Variants in MDGA2 observed in about 807,000 individuals in gnomAD.
MDGA2 encodes the protein MAM domain containing glycosylphosphatidylinositol anchor 2.
In MDGA2, 40 loss-of-function variants were observed where a neutral mutation model predicts 117.8. The ratio of observed to expected loss-of-function variants is 0.34; its 90% confidence interval spans 0.26 to 0.44. The LOEUF is 0.44. MDGA2 is among the 20% of genes least tolerant of loss of function. The pLI, the probability that MDGA2 is intolerant of heterozygous loss-of-function variation, is 1.00. For synonymous variants in MDGA2, 452 were observed against 439.0 expected (o/e 1.03, Z -0.37); for missense variants, 1,123 against 1,250.6 (o/e 0.90, Z 1.54).
intron 1 of MDGA2, among the ~76,000 whole-genome samples, chr14:47,373,875 T>C (rs1891420238): frequency 1.3e-5 from 2 of 152,142 alleles, no homozygotes; most frequent in East Asian, 1.9e-4. Context: ...TTTTTCAACA[T>C]GATAACTGTT....
chr14:47,183,349 C>T (rs1490241077), intron 3 of MDGA2, among the ~76,000 whole-genome samples: 1 of 152,056 alleles, frequency 6.6e-6, no homozygotes, highest in Admixed American at 6.6e-5. Flanking sequence ...TTTCTCCTTT[C>T]GGTTTCATTC....
intron 14 of MDGA2, among the ~76,000 whole-genome samples, chr14:46,859,035 T>C (rs537407179): frequency 2.1e-4 from 32 of 152,308 alleles, no homozygotes; most frequent in South Asian, 1.9e-3. Flanking sequence ...GCCAAAATTG[T>C]TGCCCTAAAT....
intron 1 of MDGA2, among the ~76,000 whole-genome samples, chr14:47,501,374 T>C (rs1894395928): frequency 6.6e-6 from 1 of 152,188 alleles, no homozygotes. Flanking sequence ...GGCTCCAATA[T>C]TTCAAATATC....
chr14:47,055,425 T>A (rs1448234509), intron 7 of MDGA2, among the ~76,000 whole-genome samples: 1 of 152,092 alleles, frequency 6.6e-6, no homozygotes, highest in African/African-American at 2.4e-5. Flanking sequence ...CCAGCTCAGA[T>A]GCTACCTGCT....
intron 7 of MDGA2, among the ~76,000 whole-genome samples, chr14:47,045,992 G>A (rs961764257): frequency 4.0e-5 from 6 of 150,318 alleles, no homozygotes; most frequent in Middle Eastern, 3.4e-3. Flanking sequence ...ATCACACACC[G>A]GGGACTGTTG....
At chr14:47,056,382 C>T (rs1272493577) in intron 7 of MDGA2, among the ~76,000 whole-genome samples, 1 of 152,102 alleles carries the variant, frequency 6.6e-6, no homozygotes, top group Non-Finnish European at 1.5e-5. Context: ...AAATTTTGAA[C>T]AGATTTTCTC....
intron 1 of MDGA2, among the ~76,000 whole-genome samples, chr14:47,631,218 C>G (rs552204775): frequency 6.6e-6 from 1 of 152,226 alleles, no homozygotes; most frequent in East Asian, 1.9e-4. Context: ...TAATCTTGTT[C>G]TCTTCTACTC....
chr14:47,147,762 T>C (rs1883003193), intron 3 of MDGA2, among the ~76,000 whole-genome samples: 1 of 152,156 alleles, frequency 6.6e-6, no homozygotes, highest in African/African-American at 2.4e-5. Flanking sequence ...ATTCCAAGAC[T>C]CTGGTTAGTC....
At chr14:47,669,868 C>A (rs1039954227) in intron 1 of MDGA2, among the ~76,000 whole-genome samples, 5 of 152,080 alleles carry the variant, frequency 3.3e-5, no homozygotes, top group African/African-American at 1.2e-4. Context: ...AAAAAAAAAT[C>A]ATAATCAATA....
intron 1 of MDGA2, among the ~76,000 whole-genome samples, chr14:47,557,578 T>G (rs1895708405): frequency 1.3e-5 from 2 of 152,100 alleles, no homozygotes; most frequent in South Asian, 4.1e-4. Context: ...AGATACAATG[T>G]TAAAAAGCTT....
intron 10 of MDGA2, among the ~76,000 whole-genome samples, chr14:46,903,067 TG>T (rs1883351268): frequency 6.6e-6 from 1 of 152,336 alleles, no homozygotes; most frequent in Admixed American, 6.5e-5. Flanking sequence ...TCCTGTGCTG[TG>T]GCCTGTTATT....
chr14:47,472,357 T>C (rs1486529651), intron 1 of MDGA2, among the ~76,000 whole-genome samples: 2 of 152,194 alleles, frequency 1.3e-5, no homozygotes, highest in African/African-American at 2.4e-5. Context: ...CTAGGTTATA[T>C]GGCATAGCCT....
chr14:46,993,237 T>C (rs1398512511), intron 8 of MDGA2, among the ~76,000 whole-genome samples: 2 of 152,136 alleles, frequency 1.3e-5, no homozygotes, highest in African/African-American at 2.4e-5. Context: ...TTATTCATAA[T>C]TGAACAGAGA....
chr14:47,116,998 A>T (rs1381424119), intron 5 of MDGA2, among the ~76,000 whole-genome samples: 3 of 152,106 alleles, frequency 2.0e-5, no homozygotes, highest in Non-Finnish European at 2.9e-5. Flanking sequence ...AACAAAATGC[A>T]AACCATATAT....
At chr14:47,087,278 G>A (rs1890935029) in intron 6 of MDGA2, among the ~76,000 whole-genome samples, 1 of 151,710 alleles carries the variant, frequency 6.6e-6, no homozygotes, top group Non-Finnish European at 1.5e-5. Flanking sequence ...ACTTTGGGAG[G>A]CCTAGGCAGG....
intron 1 of MDGA2, among the ~76,000 whole-genome samples, chr14:47,328,550 C>T (rs1223925992): frequency 3.3e-5 from 5 of 152,170 alleles, no homozygotes; most frequent in Admixed American, 1.3e-4. Context: ...TCACACTGTA[C>T]GTGCTCACAG....
At chr14:47,673,610 T>C (rs1221422105) in intron 1 of MDGA2, among the ~76,000 whole-genome samples, 1 of 148,670 alleles carries the variant, frequency 6.7e-6, no homozygotes, top group Non-Finnish European at 1.5e-5. Context: ...TACATTTTAG[T>C]CCACTATTAA....
chr14:47,357,613 T>C (rs1891025056), intron 1 of MDGA2, among the ~76,000 whole-genome samples: 3 of 152,184 alleles, frequency 2.0e-5, no homozygotes, highest in African/African-American at 7.2e-5. Context: ...GCAACAAGGT[T>C]TGCAAGACAG....
intron 7 of MDGA2, among the ~76,000 whole-genome samples, chr14:47,045,313 T>C (rs1460303512): frequency 6.6e-6 from 1 of 152,150 alleles, no homozygotes; most frequent in Non-Finnish European, 1.5e-5. Flanking sequence ...TAATTTGGTT[T>C]TCTAACTTGA....
Sources: allele counts gnomAD v4.1 joint callset (sites outside exome capture counted in the v4.1 genomes callset), GRCh38; gene constraint gnomAD v4.1.1; transcripts MANE v1.5; gene names NCBI Gene and HGNC (gene_info 2026-07-23, HGNC 2026-07-21).